The following DUT variants were observed in gnomAD, a reference collection of about 807,000 sequenced individuals.
The protein encoded by DUT is deoxyuridine triphosphatase.
Under a neutral mutation model 28.8 loss-of-function variants are expected in DUT, and 21 were observed. That is an observed-to-expected ratio of 0.73 (90% CI 0.52 to 1.05). DUT has a LOEUF of 1.05. DUT is among the 50% of genes least tolerant of loss of function. The pLI, the probability that DUT is intolerant of heterozygous loss-of-function variation, is 0.00. For missense variants in DUT, 344 were observed against 351.8 expected (o/e 0.98, Z 0.18); for synonymous variants, 147 against 143.7 (o/e 1.02, Z -0.17).
chr15:48,331,098 A>AT, upstream of DUT: 1 of 1,420,994 alleles, frequency 7.0e-7, no homozygotes, highest in South Asian at 1.5e-5. Context: ...CCCGGGCGCA[A>AT]TAACTGTCAC....
At position 48,334,420 on chromosome 15, in the gene DUT, C is replaced by A; in HGVS notation, c.423C>A (p.Ala141=). The change falls in exon 3 of 7, where the codon GCC becomes GCA. Residue 141 remains alanine (A), a synonymous_variant. Transcript: ENST00000331200. Reference sequence around the variant, plus strand: ...TTTTCTTTCAATATTTTCTTAGTGCCTATGATTACACAATACCACCTATGG... The same window carrying A: ...TTTTCTTTCAATATTTTCTTAGTGCATATGATTACACAATACCACCTATGG... The part of the protein sequence containing the change: ...ARAAGYDLYS[A]YDYTIPPMEK... 6.3e-7 allele frequency: 1 copy of A among 1,575,420 alleles called. No individual in the cohort carries two copies.
chr15:48,334,155 A>T (rs1442880070), intron 2 of DUT, among the ~76,000 whole-genome samples: 1 of 152,214 alleles, frequency 6.6e-6, no homozygotes, highest in Non-Finnish European at 1.5e-5. Context: ...CAATGTTGAC[A>T]TCTCTTCACA....
rs1045291110 is a variant in DUT at position 48,331,647 on chromosome 15, C to T, written c.132C>T (p.Pro44=). The part of the protein sequence containing the change: ...EAAVLSGPGP[P]LGRAAQHGIP... ...CGGTACTCTCCGGGCCAGGCCCGCCCCTCGGCCGCGCCGCGCAGCACGGGA... is the reference window on the plus strand; with the variant it reads ...CGGTACTCTCCGGGCCAGGCCCGCCTCTCGGCCGCGCCGCGCAGCACGGGA... The change falls in exon 1 of 7, where the codon CCC becomes CCT. Residue 44 remains proline, a synonymous_variant. Coordinates refer to ENST00000331200, the MANE Select transcript of DUT (RefSeq NM_001025248.2). 2.6e-6 allele frequency: 4 copies of T among 1,539,888 alleles called. No homozygotes were observed. The South Asian group carries it at 4.8e-5, about 19-fold the overall frequency.
chr15:48,331,476 G>A lies in DUT; in HGVS notation c.-40G>A, dbSNP rs749751336. 6.2e-7 allele frequency: 1 copy of A among 1,607,568 alleles called. No homozygotes were observed. Among genetic ancestry groups the A allele is most frequent in the Non-Finnish European group, 8.5e-7 (1 of 1,177,672 alleles). On this transcript the variant is annotated 5_prime_UTR_variant, in exon 1 of 7. Transcript: ENST00000331200. ...CAGGGTGGAAGCCTGGCGCACGTCC[G>A]GAGGTGCCGAGGACCCAACCAGCCC...
intron 1 of DUT, 148 bp from the exon 2 acceptor site, chr15:48,332,120 C>A (rs1281074800): frequency 1.2e-5 from 16 of 1,389,334 alleles, no homozygotes; most frequent in African/African-American, 1.5e-5. Context: ...ACTGTGGACT[C>A]GTCCCGGGGA....
intron 4 of DUT, among the ~76,000 whole-genome samples, chr15:48,339,218 AAAAT>A (rs761397780): frequency 3.9e-5 from 6 of 152,238 alleles, no homozygotes; most frequent in East Asian, 1.9e-4. Context: ...TAAAAAGAAA[AAAAT>A]AAAGTAGTAT....
At chr15:48,341,452 G>C (rs2042532699) in intron 5 of DUT, 63 bp from the exon 6 acceptor site, 1 of 1,565,978 alleles carries the variant, frequency 6.4e-7, no homozygotes, top group Non-Finnish European at 8.8e-7. Flanking sequence ...AATTCTCATT[G>C]AATAAGACAG....
At position 48,331,993 on chromosome 15, in the gene DUT, G is replaced by T. The variant is rs904145518; in HGVS notation, c.280+198G>T. On this transcript the variant is annotated intron_variant, in intron 1 of 6. Transcript: ENST00000331200. ...CCCTAGAAGCTCCCCTTCAAAGTTG[G>T]CCCCACGCGCTGAATGTGGAAAGTT... 1.1e-4 allele frequency: 101 copies of T among 894,934 alleles called. No individual in the cohort carries two copies. The Admixed American group carries it at 3.7e-3, about 33-fold the overall frequency. 55.4% of individuals were successfully genotyped at this position (894,934 alleles called of 1,614,324 possible). A position where few individuals can be genotyped will look rare whatever the true frequency, so the allele number is the denominator to read the frequency against.
At position 48,332,415 on chromosome 15, in the gene DUT, G is replaced by C. The variant is rs756992543; in HGVS notation, c.419+9G>C. On this transcript the variant is annotated intron_variant, in intron 2 of 6. Transcript: ENST00000331200. ...GGCTACGACCTGTACAGGTGAGCGG[G>C]GACCTGCCGGCGAGGAGGCTGGGAA... 8 of 1,534,456 alleles carry C rather than the reference G, an allele frequency of 5.2e-6. No homozygotes were observed. Among genetic ancestry groups the C allele is most frequent in the Non-Finnish European group, 7.0e-6 (8 of 1,147,542 alleles).
chr15:48,331,332 TCCTGGGGCCCCAGGGCCTGCGCCATC>T, upstream of DUT: 3 of 1,443,492 alleles, frequency 2.1e-6, no homozygotes, highest in Non-Finnish European at 2.7e-6. Flanking sequence ...GGCGCCGTCT[TCCTGGGGCCCCAGGGCCTGCGCCATC>T]CCTGGGCTGC....
At chr15:48,332,192 C>T (rs1217717249) in intron 1 of DUT, 76 bp from the exon 2 acceptor site, 9 of 1,499,394 alleles carry the variant, frequency 6.0e-6, no homozygotes, top group Non-Finnish European at 7.1e-6. Context: ...CCTGCGGCGA[C>T]GCTCATCGTG....
chr15:48,340,656 C>CA (rs1318241068), intron 4 of DUT, among the ~76,000 whole-genome samples: 1 of 152,062 alleles, frequency 6.6e-6, no homozygotes, highest in African/African-American at 2.4e-5. Flanking sequence ...ATTAATTACA[C>CA]AAAAAAAGTT....
rs768403970 is a variant in DUT, at chr15:48,341,601, G to C, written c.702+16G>C. 6.3e-7 allele frequency: 1 copy of C among 1,581,072 alleles called. No homozygotes were observed. The highest frequency in any genetic ancestry group is 8.7e-7 in the Non-Finnish European group (1 of 1,152,140). ...AGAAGTTCAAGTAAGTATTACAAAG[G>C]AAGATACAGAATAAGTAATATAACA... On this transcript the variant is annotated intron_variant, in intron 6 of 6. Transcript: ENST00000331200.
chr15:48,334,887 C>A (rs2042458662), intron 3 of DUT, among the ~76,000 whole-genome samples: 1 of 152,170 alleles, frequency 6.6e-6, no homozygotes, highest in Admixed American at 6.5e-5. Context: ...GTTGTAGAGG[C>A]ACTGGGAGGA....
At position 48,342,127 on chromosome 15, in the gene DUT, A is replaced by G. The variant is rs757837796; in HGVS notation, c.*49A>G. 2 of 1,392,868 alleles carry G rather than the reference A, an allele frequency of 1.4e-6. No homozygotes were observed. The highest frequency in any genetic ancestry group is 3.2e-5 in the South Asian group (2 of 63,266). The allele number at this position is 1,392,868 out of a possible 1,614,324, so 86.3% of individuals were successfully genotyped here. A position where few individuals can be genotyped will look rare whatever the true frequency, so the allele number is the denominator to read the frequency against. ...AAGAAGTCATACCTTTTTCTTAAAAAAAAAAAAAAAGTTTTTGCTTCAAGT... is the reference window on the plus strand; with the variant it reads ...AAGAAGTCATACCTTTTTCTTAAAAGAAAAAAAAAAGTTTTTGCTTCAAGT... On this transcript the variant is annotated 3_prime_UTR_variant, in exon 7 of 7. Coordinates refer to ENST00000331200, the MANE Select transcript of DUT (RefSeq NM_001025248.2).
chr15:48,333,775 T>C (rs2042445147), intron 2 of DUT, among the ~76,000 whole-genome samples: 1 of 152,250 alleles, frequency 6.6e-6, no homozygotes, highest in African/African-American at 2.4e-5. Flanking sequence ...AGGAAATTCA[T>C]AGCCTAAGCT....
chr15:48,334,568 ATGTT>A, intron 3 of DUT, 60 bp downstream of exon 3: 1 of 1,308,564 alleles, frequency 7.6e-7, no homozygotes, highest in Non-Finnish European at 1.1e-6. Context: ...TAGATTCTTC[ATGTT>A]TCATTTGGGG....
chr15:48,337,504 T>C (rs1460881962), intron 4 of DUT, among the ~76,000 whole-genome samples: 1 of 152,180 alleles, frequency 6.6e-6, no homozygotes, highest in African/African-American at 2.4e-5. Flanking sequence ...GAGGATTAAA[T>C]GATAATGTGT....
intron 4 of DUT, among the ~76,000 whole-genome samples, chr15:48,336,535 G>A (rs1050567741): frequency 6.6e-6 from 1 of 152,122 alleles, no homozygotes; most frequent in Non-Finnish European, 1.5e-5. Flanking sequence ...TCTCATGTTT[G>A]TCTCAAAGTT....
Sources: gnomAD v4.1 joint callset for allele counts (sites outside exome capture counted in the v4.1 genomes callset) on GRCh38, gnomAD v4.1.1 for gene constraint, MANE v1.5 for transcripts, NCBI Gene and HGNC (gene_info 2026-07-23, HGNC 2026-07-21) for gene names.